Variants in ESR1 observed in about 807,000 individuals in gnomAD.
The protein encoded by ESR1 is estrogen receptor.
Under a neutral mutation model 52.7 loss-of-function variants are expected in ESR1, and 12 were observed. That is an observed-to-expected ratio of 0.23 (90% CI 0.15 to 0.37). ESR1 has a LOEUF of 0.37. ESR1 is among the 10% of genes least tolerant of loss of function. The pLI, the probability that ESR1 is intolerant of heterozygous loss-of-function variation, is 1.00. For synonymous variants in ESR1, 305 were observed against 316.8 expected (o/e 0.96, Z 0.39); for missense variants, 584 against 779.7 (o/e 0.75, Z 2.99).
intron 6 of ESR1, among the ~76,000 whole-genome samples, chr6:152,088,112 T>C (rs1476774038): frequency 6.6e-6 from 1 of 152,332 alleles, no homozygotes; most frequent in African/African-American, 2.4e-5. Context: ...TAATGTATTT[T>C]ATAACCATCA....
intron 2 of ESR1, among the ~76,000 whole-genome samples, chr6:151,791,869 A>G (rs1776191826): frequency 2.6e-5 from 4 of 152,268 alleles, no homozygotes; most frequent in Admixed American, 2.6e-4. Flanking sequence ...ACACAAAGTT[A>G]GACAACAAAT....
intron 1 of ESR1, among the ~76,000 whole-genome samples, chr6:151,694,024 A>G (rs867652639): frequency 6.6e-6 from 1 of 152,200 alleles, no homozygotes; most frequent in Non-Finnish European, 1.5e-5. Flanking sequence ...CAACTATAGT[A>G]GCACCTAAGG....
At chr6:152,109,123 A>T (rs2051100975) in intron 6 of ESR1, among the ~76,000 whole-genome samples, 2 of 152,012 alleles carry the variant, frequency 1.3e-5, no homozygotes, top group African/African-American at 4.8e-5. Context: ...TCACTTACTC[A>T]CTATCACAAG....
chr6:151,958,226 G>T lies in ESR1; in HGVS notation c.1096+13718G>T, dbSNP rs770715988. ...GATATCTTGTAATGAATATTCTGAC[G>T]TGGTGTCAACTTATACCATAGATAG... On this transcript the variant is annotated intron_variant, in intron 4 of 7. Transcript: ENST00000206249. Among the ~76,000 whole-genome samples, 5 of 152,166 alleles carry T rather than the reference G, an allele frequency of 3.3e-5. No individual in the cohort carries two copies. The South Asian group carries it at 1.0e-3, about 32-fold the overall frequency.
At position 151,944,447 on chromosome 6, in the gene ESR1, A is replaced by G; in HGVS notation, c.1035A>G (p.Leu345=). The part of the protein sequence containing the change: ...RPFSEASMMG[L]LTNLADRELV... ...TCAGTGAAGCTTCGATGATGGGCTT[A>G]CTGACCAACCTGGCAGACAGGGAGC... Residue 345 remains leucine (L), a synonymous_variant, in exon 4 of 8, where the codon TTA becomes TTG. Transcript: ENST00000206249. 1 of 1,614,246 alleles carries G rather than the reference A, an allele frequency of 6.2e-7. No homozygotes were observed. The highest frequency in any genetic ancestry group is 8.5e-7 in the Non-Finnish European group (1 of 1,180,042).
intron 3 of ESR1, among the ~76,000 whole-genome samples, chr6:151,896,224 T>C (rs1584027507): frequency 6.6e-6 from 1 of 152,342 alleles, no homozygotes; most frequent in South Asian, 2.1e-4. Context: ...GATTCCCTCT[T>C]TCTTCATCTT....
At chr6:151,876,203 C>A (rs904878721) in intron 2 of ESR1, among the ~76,000 whole-genome samples, 2 of 152,090 alleles carry the variant, frequency 1.3e-5, no homozygotes, top group East Asian at 3.9e-4. Context: ...TCAGGCTTCA[C>A]GTGCAGACAT....
chr6:151,905,853 A>G (rs1421717548), intron 3 of ESR1, among the ~76,000 whole-genome samples: 2 of 152,210 alleles, frequency 1.3e-5, no homozygotes, highest in African/African-American at 4.8e-5. Flanking sequence ...TTTCACTGGC[A>G]TGTCCCACAA....
At chr6:151,874,940 A>G (rs1313829556) in intron 2 of ESR1, among the ~76,000 whole-genome samples, 1 of 152,258 alleles carries the variant, frequency 6.6e-6, no homozygotes, top group Non-Finnish European at 1.5e-5. Flanking sequence ...TATTAGTAAA[A>G]TGAACCATAT....
intron 2 of ESR1, among the ~76,000 whole-genome samples, chr6:151,778,116 C>T (rs925656182): frequency 6.6e-5 from 10 of 152,150 alleles, no homozygotes; most frequent in Admixed American, 4.6e-4. Context: ...CGGAAAATCA[C>T]GACAGTCCTT....
At position 152,116,900 on chromosome 6, in the gene ESR1, C is replaced by T. The variant is rs192607571; in HGVS notation, c.851-8366C>T. On this transcript the variant is annotated intron_variant, in intron 6 of 6. Transcript: ENST00000427531. ...CAGATTTATATGGAAACCAATTGTTCGGTGAAGCCAATATATTTTGAGTTA... is the reference window on the plus strand; with the variant it reads ...CAGATTTATATGGAAACCAATTGTTTGGTGAAGCCAATATATTTTGAGTTA... Among the ~76,000 whole-genome samples, 1,491 of 152,140 alleles carry T rather than the reference C, an allele frequency of 9.8e-3. 13 individuals are homozygous for T. Among genetic ancestry groups the T allele is most frequent in the Non-Finnish European group, 0.016 (1,068 of 67,992 alleles).
At chr6:151,960,451 G>A (rs1184488842) in intron 4 of ESR1, among the ~76,000 whole-genome samples, 1 of 152,156 alleles carries the variant, frequency 6.6e-6, no homozygotes, top group East Asian at 1.9e-4. Flanking sequence ...CCTGAAGGAG[G>A]AGGTGAGAAA....
rs147808960 is a variant in ESR1, at chr6:152,003,933, G to C, written c.1097-7723G>C. ...GTGGTAAACTAAACTGATGAATAAA[G>C]GTTATGGGAAATATTTCATAAAATT... On this transcript the variant is annotated intron_variant, in intron 4 of 7. Coordinates refer to ENST00000206249, the MANE Select transcript of ESR1 (RefSeq NM_000125.4). Among the ~76,000 whole-genome samples the C allele has an allele frequency of 1.6e-3, 244 of 151,928 alleles. 5 individuals carry two copies. The highest frequency in any genetic ancestry group is 5.7e-3 in the African/African-American group (235 of 41,472).
rs6914107 is a variant in ESR1, at chr6:151,994,322, G to C, written c.1097-17334G>C. On this transcript the variant is annotated intron_variant, in intron 4 of 7. Coordinates refer to ENST00000206249, the MANE Select transcript of ESR1 (RefSeq NM_000125.4). Reference sequence around the variant, plus strand: ...AGATTAGAGTCTTTTATGCCCACATGATATGGAAAACATTAATGCTGGCTC... The same window carrying C: ...AGATTAGAGTCTTTTATGCCCACATCATATGGAAAACATTAATGCTGGCTC... 1.5e-3 allele frequency among the ~76,000 whole-genome samples: 234 copies of C among 152,232 alleles called. 2 individuals are homozygous for C. Among genetic ancestry groups the C allele is most frequent in the South Asian group, 0.013 (63 of 4,822 alleles).
chr6:151,736,448 C>G (rs754531272), intron 2 of ESR1, among the ~76,000 whole-genome samples: 39 of 138,328 alleles, frequency 2.8e-4, no homozygotes, highest in Non-Finnish European at 5.0e-4. Context: ...TCTTGGCTCA[C>G]TGCAACCTCC....
chr6:151,798,327 T>G (rs1776907078), intron 2 of ESR1, among the ~76,000 whole-genome samples: 1 of 151,716 alleles, frequency 6.6e-6, no homozygotes, highest in Non-Finnish European at 1.5e-5. Flanking sequence ...GATAAGGAAG[T>G]AGATGCAAAT....
At chr6:151,768,862 T>C (rs1191226987) in intron 2 of ESR1, among the ~76,000 whole-genome samples, 1 of 152,202 alleles carries the variant, frequency 6.6e-6, no homozygotes, top group East Asian at 1.9e-4. Flanking sequence ...AAATGGTCCA[T>C]CCTTTCCTGT....
intron 3 of ESR1, among the ~76,000 whole-genome samples, chr6:151,912,322 G>A (rs1396871900): frequency 6.6e-6 from 1 of 152,214 alleles, no homozygotes; most frequent in African/African-American, 2.4e-5. Context: ...GAAGGACTAT[G>A]CCTGCTTTAA....
intron 1 of ESR1, among the ~76,000 whole-genome samples, chr6:151,699,515 G>A (rs1779611117): frequency 6.6e-6 from 1 of 152,140 alleles, no homozygotes; most frequent in Non-Finnish European, 1.5e-5. Flanking sequence ...AAACCTTAGA[G>A]GCAGATAGCC....
Sources: gnomAD v4.1 joint callset for allele counts (sites outside exome capture counted in the v4.1 genomes callset) on GRCh38, gnomAD v4.1.1 for gene constraint, MANE v1.5 for transcripts, NCBI Gene and HGNC (gene_info 2026-07-23, HGNC 2026-07-21) for gene names.